Variants in FAAP20 observed in about 807,000 individuals in gnomAD.
FAAP20 encodes the protein FA core complex associated protein 20.
A neutral mutation model predicts 16.2 loss-of-function variants in FAAP20; 12 were observed. The ratio of observed to expected loss-of-function variants is 0.74; its 90% CI spans 0.48 to 1.20. The LOEUF (loss-of-function observed/expected upper bound fraction) is 1.20. Among genes scored for constraint, FAAP20 ranks in the 50% most tolerant of loss-of-function variants. The pLI is 0.00. For missense variants in FAAP20, 288 were observed against 245.8 expected (o/e 1.17, Z -1.15); for synonymous variants, 141 against 110.7 (o/e 1.27, Z -1.72).
upstream of FAAP20, chr1:2,198,316 C>G (rs1274756341): frequency 9.4e-6 from 5 of 534,412 alleles, no homozygotes; most frequent in South Asian, 7.7e-5. Context: ...ATCTCCTACT[C>G]CCGCACCTGC....
chr1:2,187,773 G>A (rs984836692), downstream of FAAP20, among the ~76,000 whole-genome samples: 9 of 152,084 alleles, frequency 5.9e-5, no homozygotes, highest in African/African-American at 2.2e-4. Context: ...CCTTGTCGTC[G>A]CCCCACGCCC....
In FAAP20 at chr1:2,193,757, G is replaced by A. The variant is rs1239774284; in HGVS notation, c.352C>T (p.Leu118=). 4.0e-5 allele frequency: 64 copies of A among 1,592,666 alleles called. No individual in the cohort carries two copies. Among genetic ancestry groups the A allele is most frequent in the Non-Finnish European group, 5.4e-5 (63 of 1,173,414 alleles). The stretch of plus-strand genomic sequence containing the variant: ...GGATCAGGTGCCGGGCGCTGGGGCA[G>A]GGACCTGGCGGGGGATTCCAGGTGC... The part of the protein sequence containing the change: ...GGHLESPARS[L]PQRPAPDPCR... Residue 118 remains leucine, a synonymous_variant, in exon 3 of 4, where the codon CTG becomes TTG. Transcript: ENST00000378546.
intron 3 of FAAP20, among the ~76,000 whole-genome samples, chr1:2,205,018 C>T (rs1246730220): frequency 2.9e-5 from 3 of 103,412 alleles, no homozygotes; most frequent in African/African-American, 7.6e-5. Context: ...TCCGGGCTCC[C>T]CACGCCCCGC....
Position 2,194,670 on chromosome 1 carries a change from C to T in FAAP20, c.62+18G>A, listed in dbSNP as rs1688691683. On this transcript the variant is annotated intron_variant, in intron 1 of 3. Transcript: ENST00000378546. ...AGCGGGAAAACCGGCCGCGCCCCCGCCCGGCTCCCGGCCTCACCCGCCCGC... is the reference window on the plus strand; with the variant it reads ...AGCGGGAAAACCGGCCGCGCCCCCGTCCGGCTCCCGGCCTCACCCGCCCGC... The T allele has an allele frequency of 1.8e-6, 2 of 1,139,754 alleles. No individual in the cohort carries two copies. The highest frequency in any genetic ancestry group is 2.2e-6 in the Non-Finnish European group (2 of 928,864). The allele number at this position is 1,139,754 out of a possible 1,614,324, so 70.6% of individuals were successfully genotyped here. A position where few individuals can be genotyped will look rare whatever the true frequency, so the allele number is the denominator to read the frequency against.
In FAAP20 at chr1:2,189,637, C is replaced by A; in HGVS notation, c.*72G>T. The A allele has an allele frequency of 7.9e-7, 1 of 1,267,882 alleles. No individual in the cohort carries two copies. The highest frequency in any genetic ancestry group is 1.1e-6 in the Non-Finnish European group (1 of 896,572). The allele number at this position is 1,267,882 out of a possible 1,614,324, so 78.5% of individuals were successfully genotyped here. A position where few individuals can be genotyped will look rare whatever the true frequency, so the allele number is the denominator to read the frequency against. On this transcript the variant is annotated 3_prime_UTR_variant, in exon 4 of 4. Transcript: ENST00000378546. The stretch of plus-strand genomic sequence containing the variant: ...GAGGCGGGGCTGCTGGCGGGGGAGC[C>A]GAGAGGCGGGGCTGCTGGCGGGGGA...
chr1:2,189,566 A>G lies in FAAP20; in HGVS notation c.*143T>C. 1 of 705,988 alleles carries G rather than the reference A, an allele frequency of 1.4e-6. No individual in the cohort carries two copies. The highest frequency in any genetic ancestry group is 2.7e-5 in the East Asian group (1 of 37,560). 43.7% of individuals were successfully genotyped at this position (705,988 alleles called of 1,614,324 possible). The stretch of plus-strand genomic sequence containing the variant: ...GCAGACGTTTCATCACAACACAGAG[A>G]CAGACAGGAGCCCGCCCTGCTTTAA... On this transcript the variant is annotated 3_prime_UTR_variant, in exon 4 of 4. Coordinates refer to ENST00000378546, the MANE Select transcript of FAAP20 (RefSeq NM_182533.4).
chr1:2,199,019 C>T, upstream of FAAP20: 1 of 1,250,600 alleles, frequency 8.0e-7, no homozygotes. This position sits in a 1 kb window ranked among gnomAD's most constrained non-coding sequence, Gnocchi z 4.5. Context: ...TGCCTTGGTG[C>T]CCTTGGGCAC....
At chr1:2,192,030 C>T in intron 3 of FAAP20, 1 of 985,568 alleles carries the variant, frequency 1.0e-6, no homozygotes, top group South Asian at 4.7e-5. Context: ...CCTGGCAGCT[C>T]CACTCCCCAG....
exon 2 of FAAP20, chr1:2,212,334 G>A (rs1638221777): frequency 6.6e-6 from 1 of 152,448 alleles, no homozygotes; most frequent in Non-Finnish European, 1.5e-5. Flanking sequence ...CAATCCGCTG[G>A]GCTGCTGTGG....
At chr1:2,211,952 G>C (rs1389892285), downstream of FAAP20, among the ~76,000 whole-genome samples, 11 of 146,050 alleles carry the variant, frequency 7.5e-5, no homozygotes, top group African/African-American at 2.1e-4. Context: ...GCCCAGGCTG[G>C]AGTGCAGTAG....
chr1:2,211,989 A>G (rs765566347), downstream of FAAP20, among the ~76,000 whole-genome samples: 332 of 122,554 alleles, frequency 2.7e-3, 2 homozygotes, highest in Admixed American at 5.4e-3. Flanking sequence ...TGCAAGCTCC[A>G]CCTCCCAGGT....
upstream of FAAP20, chr1:2,201,250 G>C: frequency 1.7e-6 from 2 of 1,193,270 alleles, no homozygotes; most frequent in Non-Finnish European, 2.1e-6. Context: ...AAGGACAGTG[G>C]GTGGCCTGGG....
upstream of FAAP20, among the ~76,000 whole-genome samples, chr1:2,194,934 G>T (rs1170339138): frequency 6.6e-6 from 1 of 151,550 alleles, no homozygotes; most frequent in Admixed American, 6.6e-5. Context: ...GTCCTGCACC[G>T]CACAGGGGGG....
At chr1:2,201,306 C>A (rs1392747380), upstream of FAAP20, 7 of 1,058,070 alleles carry the variant, frequency 6.6e-6, no homozygotes, top group Non-Finnish European at 8.2e-6. Context: ...GGTGAGCGAC[C>A]TCTGTAGGCT....
chr1:2,194,151 G>A lies in FAAP20; in HGVS notation c.63-18C>T, dbSNP rs1488627967. The A allele has an allele frequency of 2.5e-6, 4 of 1,611,374 alleles. No homozygotes were observed. Among genetic ancestry groups the A allele is most frequent in the East Asian group, 2.2e-5 (1 of 44,802 alleles). On this transcript the variant is annotated intron_variant, in intron 1 of 3. Coordinates refer to ENST00000378546, the MANE Select transcript of FAAP20 (RefSeq NM_182533.4). Reference sequence around the variant, plus strand: ...CAGAAGGCCTGGGGCAGACAGAGAGGGCAGACAGGGGGTACTCAGTAGCGG... The same window carrying A: ...CAGAAGGCCTGGGGCAGACAGAGAGAGCAGACAGGGGGTACTCAGTAGCGG...
chr1:2,201,104 G>C (rs1431847385), upstream of FAAP20: 2 of 1,288,630 alleles, frequency 1.6e-6, no homozygotes, highest in South Asian at 2.5e-5. Context: ...TGCATCCCCT[G>C]TGCAGCCGGC....
chr1:2,199,551 G>T, upstream of FAAP20: 1 of 985,958 alleles, frequency 1.0e-6, no homozygotes, highest in Non-Finnish European at 1.2e-6. The surrounding 1 kb of genome is among the most constrained non-coding windows in gnomAD (Gnocchi z 4.5). Context: ...CCAAGGAGCC[G>T]GTCAGGGAGT....
At chr1:2,186,933 C>T, downstream of FAAP20, 3 of 262,670 alleles carry the variant, frequency 1.1e-5, no homozygotes, top group South Asian at 1.0e-4. Context: ...AGAGGGGAGA[C>T]TTTTATATTC....
downstream of FAAP20, chr1:2,186,355 A>AGAG (rs1687587936): frequency 5.4e-6 from 1 of 185,212 alleles, no homozygotes; most frequent in Admixed American, 6.2e-5. Flanking sequence ...CTACACACTC[A>AGAG]GGTTTCTCAG....
Sources: allele counts gnomAD v4.1 joint callset (sites outside exome capture counted in the v4.1 genomes callset), GRCh38; gene constraint gnomAD v4.1.1; non-coding constraint Gnocchi (gnomAD v3.1); transcripts MANE v1.5; gene names NCBI Gene and HGNC (gene_info 2026-07-23, HGNC 2026-07-21).